The following KIAA0825 variants were observed in gnomAD, a reference collection of about 807,000 sequenced individuals.
KIAA0825 encodes KIAA0825.
A neutral mutation model predicts 147.6 loss-of-function variants in KIAA0825; 119 were observed. The ratio of observed to expected loss-of-function variants is 0.81; its 90% CI spans 0.69 to 0.94. KIAA0825 has a LOEUF of 0.94. Among genes scored for constraint, KIAA0825 ranks in the 40% least tolerant of loss-of-function variants. The pLI is 0.00. For missense variants in KIAA0825, 1,381 were observed against 1,472.7 expected (o/e 0.94, Z 1.02); for synonymous variants, 470 against 518.1 (o/e 0.91, Z 1.26).
chr5:94,580,161 T>G (rs1781813587), intron 2 of KIAA0825, among the ~76,000 whole-genome samples: 1 of 152,090 alleles, frequency 6.6e-6, no homozygotes, highest in South Asian at 2.1e-4. Context: ...ATAGAAGGAA[T>G]GGAGTACATT....
intron 20 of KIAA0825, among the ~76,000 whole-genome samples, chr5:94,187,063 A>C (rs1003953884): frequency 6.6e-6 from 1 of 152,156 alleles, no homozygotes; most frequent in Non-Finnish European, 1.5e-5. Context: ...ATTGATAGTG[A>C]ATAAAGGCAA....
chr5:94,343,831 G>T (rs1243805324), intron 20 of KIAA0825, among the ~76,000 whole-genome samples: 1 of 152,016 alleles, frequency 6.6e-6, no homozygotes, highest in African/African-American at 2.4e-5. Flanking sequence ...AAAGACAAAA[G>T]AATCCATAGA....
rs546411687 is a variant in KIAA0825 at position 94,311,621 on chromosome 5, CT to C, written c.3710+72746del. Reference sequence around the variant, plus strand: ...AAGCTTTTCACTGTAGATAAAATTTCTTTTTATGAAAAGCTAATGGCTTGCC... The same window carrying C: ...AAGCTTTTCACTGTAGATAAAATTTCTTTTATGAAAAGCTAATGGCTTGCC... On this transcript the variant is annotated intron_variant, in intron 20 of 20. Transcript: ENST00000682413. Among the ~76,000 whole-genome samples the C allele has an allele frequency of 2.2e-3, 341 of 151,608 alleles. 1 individual carries two copies. Among genetic ancestry groups the C allele is most frequent in the African/African-American group, 7.7e-3 (320 of 41,460 alleles).
chr5:94,547,699 T>C (rs953295664), intron 2 of KIAA0825, among the ~76,000 whole-genome samples: 6 of 144,228 alleles, frequency 4.2e-5, no homozygotes, highest in African/African-American at 8.0e-5. Context: ...ATTGAGCCAG[T>C]GCACTCCAGC....
chr5:94,535,355 C>G (rs1438692675), intron 3 of KIAA0825, among the ~76,000 whole-genome samples: 1 of 151,850 alleles, frequency 6.6e-6, no homozygotes, highest in Non-Finnish European at 1.5e-5. Context: ...ACCAAAAATA[C>G]AAAAATTAGC....
chr5:94,565,094 C>CTTTTTTTTTTTTTTTTTTTTTTT (rs1285299381), intron 2 of KIAA0825, among the ~76,000 whole-genome samples: 4 of 51,936 alleles, frequency 7.7e-5, no homozygotes, highest in Non-Finnish European at 1.6e-4. Flanking sequence ...TTCTTGCTTT[C>CTTTTTTTTTTTTTTTTTTTTTTT]CTTTTTTTTT....
intron 20 of KIAA0825, among the ~76,000 whole-genome samples, chr5:94,279,596 T>C (rs1038526947): frequency 6.6e-6 from 1 of 152,058 alleles, no homozygotes; most frequent in Non-Finnish European, 1.5e-5. Flanking sequence ...CATTTATCTC[T>C]ACTTACTCAA....
chr5:94,264,786 CTT>C (rs1195057688), intron 20 of KIAA0825, among the ~76,000 whole-genome samples: 11 of 140,506 alleles, frequency 7.8e-5, no homozygotes, highest in East Asian at 4.1e-4. Flanking sequence ...CATACACATA[CTT>C]TTTTTTTTTT....
intron 7 of KIAA0825, among the ~76,000 whole-genome samples, chr5:94,475,469 C>G (rs1160968930): frequency 2.6e-5 from 4 of 152,158 alleles, no homozygotes; most frequent in Non-Finnish European, 5.9e-5. Context: ...TCTGAATTCT[C>G]TTTTCAAATA....
intron 20 of KIAA0825, among the ~76,000 whole-genome samples, chr5:94,180,855 T>C (rs1769545526): frequency 6.6e-6 from 1 of 152,192 alleles, no homozygotes; most frequent in South Asian, 2.1e-4. Context: ...TTTATTTTTT[T>C]CAGAGTGATT....
At chr5:94,573,870 T>C (rs1465567852) in intron 2 of KIAA0825, among the ~76,000 whole-genome samples, 3 of 152,150 alleles carry the variant, frequency 2.0e-5, no homozygotes, top group Admixed American at 6.5e-5. Flanking sequence ...TCATGATATA[T>C]AGAGTTAAAT....
chr5:94,477,246 G>T, intron 6 of KIAA0825, 41 bp from the exon 7 acceptor site: 1 of 1,275,120 alleles, frequency 7.8e-7, no homozygotes, highest in Non-Finnish European at 1.1e-6. Context: ...AATATATATT[G>T]TTTAAAAAGC....
At chr5:94,285,752 A>T (rs750202655) in intron 20 of KIAA0825, among the ~76,000 whole-genome samples, 14 of 152,198 alleles carry the variant, frequency 9.2e-5, no homozygotes, top group Non-Finnish European at 1.5e-4. Flanking sequence ...GGTAATGACT[A>T]GTAATGCCAA....
chr5:94,157,998 A>ACC (rs1390716488), intron 20 of KIAA0825, among the ~76,000 whole-genome samples: 1 of 152,114 alleles, frequency 6.6e-6, no homozygotes, highest in Non-Finnish European at 1.5e-5. Context: ...TGAGGCATTT[A>ACC]CCCTTCCTTT....
intron 3 of KIAA0825, among the ~76,000 whole-genome samples, chr5:94,534,897 T>C (rs1295689666): frequency 6.6e-6 from 1 of 152,146 alleles, no homozygotes; most frequent in Non-Finnish European, 1.5e-5. Context: ...AAATGTCTTG[T>C]TAATCTATTT....
At chr5:94,560,808 C>T (rs1307135090) in intron 2 of KIAA0825, among the ~76,000 whole-genome samples, 1 of 152,198 alleles carries the variant, frequency 6.6e-6, no homozygotes, top group African/African-American at 2.4e-5. Context: ...CCAAGACTCA[C>T]ATCTTGTGGT....
At chr5:94,608,286 G>C (rs1460976743) in intron 1 of KIAA0825, among the ~76,000 whole-genome samples, 1 of 138,840 alleles carries the variant, frequency 7.2e-6, no homozygotes, top group East Asian at 2.2e-4. Flanking sequence ...TATTGAGATA[G>C]AGTCTCACTC....
At chr5:94,393,522 T>G (rs2150570009) in intron 17 of KIAA0825, among the ~76,000 whole-genome samples, 1 of 152,302 alleles carries the variant, frequency 6.6e-6, no homozygotes, top group East Asian at 1.9e-4. Context: ...TTCCATAAAA[T>G]CAAAGTTAAA....
rs189979525 is a variant in KIAA0825, at chr5:94,327,999, C to T, written c.3710+56369G>A. Among the ~76,000 whole-genome samples the T allele has an allele frequency of 2.4e-3, 358 of 151,494 alleles. 2 individuals carry two copies. Among genetic ancestry groups the T allele is most frequent in the African/African-American group, 7.4e-3 (305 of 41,338 alleles). Reference sequence around the variant, plus strand: ...CCAGCCTGGTGACAGAGCTAGACTCCGTCTCAAAAAAAAAGAACTCATGTT... The same window carrying T: ...CCAGCCTGGTGACAGAGCTAGACTCTGTCTCAAAAAAAAAGAACTCATGTT... On this transcript the variant is annotated intron_variant, in intron 20 of 20. Coordinates refer to ENST00000682413, the MANE Select transcript of KIAA0825 (RefSeq NM_001145678.3).
Sources: allele counts gnomAD v4.1 joint callset (sites outside exome capture counted in the v4.1 genomes callset), GRCh38; gene constraint gnomAD v4.1.1; transcripts MANE v1.5; gene names NCBI Gene and HGNC (gene_info 2026-07-23, HGNC 2026-07-21).